Variants in MYOZ2 observed in about 807,000 individuals in gnomAD.
The protein encoded by MYOZ2 is myozenin-2.
Under a neutral mutation model 25.4 loss-of-function variants are expected in MYOZ2, and 19 were observed. The observed-to-expected ratio is 0.75, with a 90% CI of 0.52 to 1.10. The LOEUF (loss-of-function observed/expected upper bound fraction) is 1.10, where lower values mean the gene tolerates loss of function less well. Ranked by LOEUF, MYOZ2 falls within the 50% of genes least tolerant of loss-of-function variation. The pLI is 0.00. For synonymous variants in MYOZ2, 92 were observed against 106.9 expected, an observed-to-expected ratio of 0.86 and a Z score of 0.86; for missense variants, 270 against 317.9, an observed-to-expected ratio of 0.85 and a Z score of 1.15.
chr4:119,159,707 T>C (rs755522452), intron 4 of MYOZ2, among the ~76,000 whole-genome samples: 3 of 152,184 alleles, frequency 2.0e-5, no homozygotes, highest in Non-Finnish European at 4.4e-5. Flanking sequence ...TCAAATGTAA[T>C]ACTATTTTTG....
At chr4:119,167,168 A>C (rs1242032723) in intron 5 of MYOZ2, among the ~76,000 whole-genome samples, 1 of 152,218 alleles carries the variant, frequency 6.6e-6, no homozygotes, top group African/African-American at 2.4e-5. Flanking sequence ...GTGAATGCAA[A>C]GGAAAAATTC....
chr4:119,162,499 G>C (rs530681743), intron 4 of MYOZ2, among the ~76,000 whole-genome samples: 39 of 152,298 alleles, frequency 2.6e-4, no homozygotes, highest in Non-Finnish European at 5.0e-4. Flanking sequence ...ACCTGGACCT[G>C]ACCCAGGGCA....
chr4:119,167,788 T>C (rs1741856289), intron 5 of MYOZ2, among the ~76,000 whole-genome samples: 1 of 152,230 alleles, frequency 6.6e-6, no homozygotes, highest in Non-Finnish European at 1.5e-5. Flanking sequence ...GTCTGTGCTT[T>C]ATAAATGGAA....
At chr4:119,154,800 T>C (rs957238173) in intron 3 of MYOZ2, among the ~76,000 whole-genome samples, 2 of 151,546 alleles carry the variant, frequency 1.3e-5, no homozygotes, top group Non-Finnish European at 2.9e-5. Flanking sequence ...ACCTAGTCAA[T>C]TATTAAGTCC....
rs761283496 is a variant in MYOZ2, at chr4:119,151,022, A to G, written c.227A>G (p.Gln76Arg). 5.0e-6 allele frequency: 8 copies of G among 1,612,442 alleles called. No homozygotes were observed. Among genetic ancestry groups the G allele is most frequent in the Non-Finnish European group, 5.9e-6 (7 of 1,178,654 alleles). Reference protein sequence around the residue: ...DKYTFENFQYQSRAQINHSIA... With the variant: ...DKYTFENFQYRSRAQINHSIA... ...TACACATTTGAAAATTTCCAGTATC[A>G]ATCTAGAGCACAAATAAATGTAGGT... Residue 76 changes from glutamine to arginine, a missense_variant, in exon 3 of 6, where the codon CAA (glutamine) becomes CGA (arginine). By Grantham distance (43) the Gln-to-Arg change is conservative. Transcript: ENST00000307128.
intron 2 of MYOZ2, among the ~76,000 whole-genome samples, chr4:119,148,847 A>C (rs953275772): frequency 2.0e-5 from 3 of 149,524 alleles, no homozygotes; most frequent in African/African-American, 7.3e-5. Context: ...ATTGTTTTAA[A>C]TTATGGGTAC....
rs1326684743 is a variant in MYOZ2, at chr4:119,187,191, T to G, written c.*991T>G. On this transcript the variant is annotated 3_prime_UTR_variant, in exon 6 of 6. Transcript: ENST00000307128. ...TGTAGCACATATCTATCGTAATATA[T>G]GTAATATATTGACATAAAAGACACA... 6.6e-6 allele frequency: 1 copy of G among 152,188 alleles called. No homozygotes were observed. The highest frequency in any genetic ancestry group is 2.4e-5 in the African/African-American group (1 of 41,450). 9.4% of individuals were successfully genotyped at this position (152,188 alleles called of 1,614,324 possible).
intron 4 of MYOZ2, 59 bp from the exon 5 acceptor site, chr4:119,164,152 G>A (rs989272270): frequency 1.5e-5 from 22 of 1,466,904 alleles, no homozygotes; most frequent in Middle Eastern, 1.7e-4. Flanking sequence ...AAAATGTTAG[G>A]TGGAGGTTAG....
At chr4:119,184,430 C>T (rs1278743466) in intron 5 of MYOZ2, among the ~76,000 whole-genome samples, 17 of 152,214 alleles carry the variant, frequency 1.1e-4, no homozygotes, top group Admixed American at 1.1e-3. Context: ...TTTAGCCATA[C>T]TGTACATGTC....
intron 3 of MYOZ2, 130 bp downstream of exon 3, chr4:119,151,171 TTATC>T: frequency 1.0e-6 from 1 of 977,484 alleles, no homozygotes; most frequent in Non-Finnish European, 1.5e-6. Context: ...TATTTTTTTT[TTATC>T]ATAATGAATA....
chr4:119,179,071 C>A (rs1047825441), intron 5 of MYOZ2, among the ~76,000 whole-genome samples: 31 of 152,218 alleles, frequency 2.0e-4, no homozygotes, highest in Non-Finnish European at 3.7e-4. Flanking sequence ...AAATGCAAAT[C>A]AGGTCGTGTC....
chr4:119,158,110 C>G lies in MYOZ2; in HGVS notation c.335C>G (p.Pro112Arg), dbSNP rs1436747344. ...GCCCCCTTGACTCCTCCCAACACCC[C>G]AGATCCACGAAGCCCTCCAAATCCA... Reference protein sequence around the residue: ...QQAPLTPPNTPDPRSPPNPDN... With the variant: ...QQAPLTPPNTRDPRSPPNPDN... The change falls in exon 4 of 6, where the codon CCA (proline) becomes CGA (arginine). Residue 112 changes from proline (P) to arginine (R), a missense_variant. Transcript: ENST00000307128. 1 of 1,614,070 alleles carries G rather than the reference C, an allele frequency of 6.2e-7. No individual in the cohort carries two copies. Among genetic ancestry groups the G allele is most frequent in the Non-Finnish European group, 8.5e-7 (1 of 1,179,984 alleles).
chr4:119,152,645 G>T (rs1741480133), intron 3 of MYOZ2, among the ~76,000 whole-genome samples: 1 of 152,026 alleles, frequency 6.6e-6, no homozygotes, highest in Non-Finnish European at 1.5e-5. Flanking sequence ...ATAAGAACAT[G>T]TCTTGACAAT....
At chr4:119,170,959 G>A (rs1741934774) in intron 5 of MYOZ2, among the ~76,000 whole-genome samples, 1 of 152,110 alleles carries the variant, frequency 6.6e-6, no homozygotes, top group Admixed American at 6.5e-5. Context: ...GTAAAAATAA[G>A]ACAGTTGATT....
At chr4:119,158,454 G>A (rs1200821164) in intron 4 of MYOZ2, among the ~76,000 whole-genome samples, 1 of 152,000 alleles carries the variant, frequency 6.6e-6, no homozygotes, top group South Asian at 2.1e-4. Context: ...TACTTGGGGG[G>A]CTGGGGTAGG....
intron 2 of MYOZ2, among the ~76,000 whole-genome samples, chr4:119,140,499 T>C (rs952101954): frequency 1.2e-4 from 18 of 152,236 alleles, no homozygotes; most frequent in Non-Finnish European, 2.9e-5. Flanking sequence ...AAATAAGAGC[T>C]AGAAAGGTTT....
At chr4:119,181,344 A>C (rs915004091) in intron 5 of MYOZ2, among the ~76,000 whole-genome samples, 1 of 152,168 alleles carries the variant, frequency 6.6e-6, no homozygotes, top group Non-Finnish European at 1.5e-5. Context: ...GATTGTGATC[A>C]TAATGCTCTG....
At chr4:119,155,943 T>A (rs997292655) in intron 3 of MYOZ2, among the ~76,000 whole-genome samples, 1 of 152,152 alleles carries the variant, frequency 6.6e-6, no homozygotes, top group Non-Finnish European at 1.5e-5. Context: ...ATTTATTCAC[T>A]AAAAATTCAG....
chr4:119,182,262 G>T (rs548231277), intron 5 of MYOZ2, among the ~76,000 whole-genome samples: 72 of 152,302 alleles, frequency 4.7e-4, no homozygotes, highest in African/African-American at 1.7e-3. Context: ...AAATTGGCTG[G>T]ATAAAGGATG....
Sources: allele counts gnomAD v4.1 joint callset (sites outside exome capture counted in the v4.1 genomes callset), GRCh38; gene constraint gnomAD v4.1.1; transcripts MANE v1.5; gene names NCBI Gene and HGNC (gene_info 2026-07-23, HGNC 2026-07-21).